Variants in QTMAN observed in about 807,000 individuals in gnomAD.
QTMAN encodes the protein queuosine-tRNA mannosyltransferase.
the QTMAN span, among the ~76,000 whole-genome samples, chr2:144,053,886 A>G: frequency 1.3e-5 from 2 of 152,204 alleles, no homozygotes; most frequent in South Asian, 4.1e-4. Flanking sequence ...CCACCAAAAA[A>G]CAATGTTAAA....
chr2:144,244,699 C>T, the QTMAN span, among the ~76,000 whole-genome samples: 1 of 151,786 alleles, frequency 6.6e-6, no homozygotes, highest in Non-Finnish European at 1.5e-5. Context: ...TATAGTGGAC[C>T]ATCATTTTCA....
the QTMAN span, among the ~76,000 whole-genome samples, chr2:144,301,201 T>C: frequency 1.3e-5 from 2 of 152,076 alleles, no homozygotes. Flanking sequence ...AGATGTACCT[T>C]TTTTGTTTTG....
the QTMAN span, among the ~76,000 whole-genome samples, chr2:144,324,444 A>G: frequency 2.6e-5 from 4 of 152,214 alleles, no homozygotes; most frequent in African/African-American, 9.6e-5. Flanking sequence ...ACACTAAAAA[A>G]GACTAATCCC....
the QTMAN span, among the ~76,000 whole-genome samples, chr2:144,085,209 T>G: frequency 6.6e-6 from 1 of 152,364 alleles, no homozygotes; most frequent in South Asian, 2.1e-4. Context: ...TAAATGGGTG[T>G]GGCTGTGTTT....
chr2:144,042,661 G>T, the QTMAN span, among the ~76,000 whole-genome samples: 2 of 151,798 alleles, frequency 1.3e-5, no homozygotes, highest in African/African-American at 4.8e-5. Flanking sequence ...CTACTCAGGA[G>T]GCTGAGGCAG....
chr2:144,038,551 A>C, the QTMAN span, among the ~76,000 whole-genome samples: 1 of 152,310 alleles, frequency 6.6e-6, no homozygotes, highest in Admixed American at 6.5e-5. Context: ...CAACTACGGT[A>C]TACCCAATAT....
chr2:144,297,109 A>G, the QTMAN span, among the ~76,000 whole-genome samples: 2 of 152,216 alleles, frequency 1.3e-5, no homozygotes, highest in African/African-American at 4.8e-5. Context: ...GAAAACACAA[A>G]GAGTCAAAAA....
the QTMAN span, among the ~76,000 whole-genome samples, chr2:144,196,214 CA>C: frequency 1.0e-4 from 3 of 29,968 alleles, no homozygotes; most frequent in African/African-American, 2.8e-4. Context: ...CACACATAGC[CA>C]CACACACACA....
the QTMAN span, among the ~76,000 whole-genome samples, chr2:144,285,878 C>T: frequency 6.6e-6 from 1 of 152,156 alleles, no homozygotes; most frequent in African/African-American, 2.4e-5. Context: ...ATTCCCAGTC[C>T]CTCGTGCCCT....
At chr2:144,320,929 C>T in the QTMAN span, among the ~76,000 whole-genome samples, 1 of 152,152 alleles carries the variant, frequency 6.6e-6, no homozygotes, top group Non-Finnish European at 1.5e-5. Context: ...AACTTCTGGC[C>T]AAAGACTTGT....
chr2:144,147,307 C>G, the QTMAN span, among the ~76,000 whole-genome samples: 1 of 151,164 alleles, frequency 6.6e-6, no homozygotes, highest in Non-Finnish European at 1.5e-5. Context: ...ATTTTTTAAA[C>G]CTGTCTGTCT....
the QTMAN span, among the ~76,000 whole-genome samples, chr2:144,040,416 T>TA: frequency 6.6e-6 from 1 of 151,996 alleles, no homozygotes; most frequent in African/African-American, 2.4e-5. Flanking sequence ...TCTAAAAGAA[T>TA]AAAAAATGCT....
chr2:144,197,801 T>C, the QTMAN span, among the ~76,000 whole-genome samples: 1 of 152,208 alleles, frequency 6.6e-6, no homozygotes, highest in Non-Finnish European at 1.5e-5. Context: ...TCATCTCCTA[T>C]ACTCATCAAT....
At chr2:143,938,622 T>C in the QTMAN span, 1 of 152,020 alleles carries the variant, frequency 6.6e-6, no homozygotes, top group Non-Finnish European at 1.5e-5. Flanking sequence ...CATCTCTTTG[T>C]AGATGATGTT....
the QTMAN span, among the ~76,000 whole-genome samples, chr2:144,232,601 AAAT>A: frequency 6.6e-6 from 1 of 152,162 alleles, no homozygotes; most frequent in South Asian, 2.1e-4. Context: ...AGATCAGTCA[AAAT>A]AATATCAATC....
At chr2:144,032,584 T>C in the QTMAN span, among the ~76,000 whole-genome samples, 11 of 152,180 alleles carry the variant, frequency 7.2e-5, no homozygotes, top group Non-Finnish European at 1.5e-4. Flanking sequence ...GTGGTATTTG[T>C]TGGAAAATGC....
chr2:144,331,267 T>C, the QTMAN span, among the ~76,000 whole-genome samples: 13 of 152,186 alleles, frequency 8.5e-5, no homozygotes, highest in Non-Finnish European at 1.9e-4. Flanking sequence ...GGTTCCTACA[T>C]GAAACTCCTG....
chr2:144,299,590 AAT>A, the QTMAN span, among the ~76,000 whole-genome samples: 1 of 152,224 alleles, frequency 6.6e-6, no homozygotes, highest in South Asian at 2.1e-4. Flanking sequence ...CTACTACTGT[AAT>A]ATAGAGTTCT....
the QTMAN span, among the ~76,000 whole-genome samples, chr2:144,102,655 C>A: frequency 0.011 from 1,645 of 152,272 alleles, 17 homozygotes; most frequent in Non-Finnish European, 0.018. Context: ...AAGGACTGTA[C>A]AAATTATCTG....
Sources: allele counts gnomAD v4.1 joint callset (sites outside exome capture counted in the v4.1 genomes callset), GRCh38; gene constraint gnomAD v4.1.1; transcripts MANE v1.5; gene names NCBI Gene and HGNC (gene_info 2026-07-23, HGNC 2026-07-21).